The following FGF7 variants were observed in gnomAD, a reference collection of about 807,000 sequenced individuals.
FGF7 encodes FGF-7.
A neutral mutation model predicts 20.5 loss-of-function variants in FGF7; 6 were observed. The observed-to-expected ratio is 0.29, with a 90% confidence interval of 0.16 to 0.58. FGF7 has a LOEUF of 0.58. FGF7 is among the 20% of genes least tolerant of loss of function. The pLI is 0.90. For missense variants in FGF7, 144 were observed against 228.8 expected (o/e 0.63, Z 2.39); for synonymous variants, 64 against 74.7 (o/e 0.86, Z 0.74).
intron 2 of FGF7, among the ~76,000 whole-genome samples, chr15:49,442,469 G>T (rs1419178968): frequency 3.3e-5 from 5 of 151,628 alleles, no homozygotes; most frequent in African/African-American, 9.7e-5. Context: ...TTTCTCCTTA[G>T]ATTACTGTAT....
At chr15:49,455,148 G>GGTGATTTGTA (rs2053164379) in intron 2 of FGF7, among the ~76,000 whole-genome samples, 1 of 152,002 alleles carries the variant, frequency 6.6e-6, no homozygotes, top group Non-Finnish European at 1.5e-5. Context: ...GTTAATTGGC[G>GGTGATTTGTA]TCTCAGGTGA....
rs541994338 is a variant in FGF7 at position 49,423,367 on chromosome 15, A to G, written c.-340A>G. The stretch of plus-strand genomic sequence containing the variant: ...CTGAGAAATAGTTTGTAGCTACAGT[A>G]GAAAGGCTCAAGTTGCACCAGGCAG... On this transcript the variant is annotated 5_prime_UTR_variant, in exon 1 of 4. Coordinates refer to ENST00000267843, the MANE Select transcript of FGF7 (RefSeq NM_002009.4). 6 of 152,314 alleles carry G rather than the reference A, an allele frequency of 3.9e-5. No individual in the cohort carries two copies. Among genetic ancestry groups the G allele is most frequent in the African/African-American group, 1.4e-4 (6 of 41,590 alleles). 9.4% of individuals were successfully genotyped at this position (152,314 alleles called of 1,614,324 possible). A position where few individuals can be genotyped will look rare whatever the true frequency, so the allele number is the denominator to read the frequency against.
chr15:49,444,022 A>G (rs2151850823), intron 2 of FGF7, among the ~76,000 whole-genome samples: 1 of 151,852 alleles, frequency 6.6e-6, no homozygotes, highest in East Asian at 1.9e-4. Context: ...TAAACACATC[A>G]GAATAGCAGG....
At chr15:49,427,230 T>G (rs1399094771) in intron 2 of FGF7, among the ~76,000 whole-genome samples, 1 of 152,052 alleles carries the variant, frequency 6.6e-6, no homozygotes, top group Non-Finnish European at 1.5e-5. Context: ...GCTCAGAATT[T>G]GTTTAAAATA....
chr15:49,448,907 A>G (rs566716549), intron 2 of FGF7, among the ~76,000 whole-genome samples: 13 of 151,908 alleles, frequency 8.6e-5, no homozygotes, highest in African/African-American at 2.9e-4. Context: ...ATACTTTCTC[A>G]TATCTAGGGA....
intron 2 of FGF7, among the ~76,000 whole-genome samples, chr15:49,432,826 T>C (rs1462089110): frequency 6.6e-6 from 1 of 151,566 alleles, no homozygotes; most frequent in East Asian, 1.9e-4. Flanking sequence ...CTTTCTGAGT[T>C]CTGAGCAGAT....
At chr15:49,439,138 T>C (rs1019950105) in intron 2 of FGF7, among the ~76,000 whole-genome samples, 1 of 151,574 alleles carries the variant, frequency 6.6e-6, no homozygotes, top group African/African-American at 2.4e-5. Flanking sequence ...CATTCTCACA[T>C]TGTTGTTGGC....
intron 2 of FGF7, among the ~76,000 whole-genome samples, chr15:49,470,146 T>G (rs2054607797): frequency 6.6e-6 from 1 of 152,152 alleles, no homozygotes; most frequent in Non-Finnish European, 1.5e-5. Context: ...TGGAAAATGA[T>G]GGAATTCTAA....
At chr15:49,451,441 A>G (rs986476049) in intron 2 of FGF7, among the ~76,000 whole-genome samples, 1 of 152,132 alleles carries the variant, frequency 6.6e-6, no homozygotes, top group Non-Finnish European at 1.5e-5. Context: ...CATTGCTGAC[A>G]GACATATATG....
At chr15:49,440,338 A>T (rs2051520262) in intron 2 of FGF7, among the ~76,000 whole-genome samples, 1 of 151,718 alleles carries the variant, frequency 6.6e-6, no homozygotes, top group Non-Finnish European at 1.5e-5. Flanking sequence ...TCTTATAAGT[A>T]AAAGAGTCAT....
intron 2 of FGF7, among the ~76,000 whole-genome samples, chr15:49,449,171 A>G (rs1268325520): frequency 6.6e-6 from 1 of 151,940 alleles, no homozygotes; most frequent in Non-Finnish European, 1.5e-5. Flanking sequence ...CTCAGACTGC[A>G]TTACTAAGTC....
At chr15:49,461,013 T>C (rs932643022) in intron 2 of FGF7, among the ~76,000 whole-genome samples, 8 of 152,230 alleles carry the variant, frequency 5.3e-5, no homozygotes, top group Non-Finnish European at 1.2e-4. Flanking sequence ...ATTCATCTTG[T>C]GGGGCCAGCC....
intron 2 of FGF7, among the ~76,000 whole-genome samples, chr15:49,434,050 G>C (rs534253672): frequency 6.6e-6 from 1 of 151,540 alleles, no homozygotes; most frequent in Non-Finnish European, 1.5e-5. Context: ...GAGAGAACTG[G>C]GGAGAAGTCA....
chr15:49,486,293 A>G lies in FGF7; in HGVS notation c.*1789A>G, dbSNP rs1183948892. 6.6e-6 allele frequency: 1 copy of G among 152,034 alleles called. No homozygotes were observed. Among genetic ancestry groups the G allele is most frequent in the African/African-American group, 2.4e-5 (1 of 41,440 alleles). The allele number at this position is 152,034 out of a possible 1,614,324, so 9.4% of individuals were successfully genotyped here. ...ATACGACCAGGATGTAGAAAACTAG[A>G]AAGAACTGCCCTTCCTCAGATATAC... On this transcript the variant is annotated 3_prime_UTR_variant, in exon 4 of 4. Transcript: ENST00000267843.
intron 2 of FGF7, among the ~76,000 whole-genome samples, chr15:49,453,209 G>T (rs2052936820): frequency 1.3e-5 from 2 of 151,808 alleles, no homozygotes; most frequent in Admixed American, 1.3e-4. Flanking sequence ...AATATGTTCT[G>T]TTTAATCTAA....
chr15:49,426,467 A>G (rs1302303685), intron 2 of FGF7, among the ~76,000 whole-genome samples: 2 of 152,006 alleles, frequency 1.3e-5, no homozygotes, highest in African/African-American at 4.8e-5. Context: ...AAAAAAGTAG[A>G]TGTAAAATCC....
At position 49,473,543 on chromosome 15, in the gene FGF7, T is replaced by C. The variant is rs149312825; in HGVS notation, c.287-9608T>C. ...CAGTAAATACTTGTTAAATAACTTG[T>C]ATGTTACAGAAAATATTGTGACAAT... On this transcript the variant is annotated intron_variant, in intron 2 of 3. Transcript: ENST00000267843. 4.9e-4 allele frequency among the ~76,000 whole-genome samples: 74 copies of C among 152,258 alleles called. No homozygotes were observed. In the East Asian group the frequency reaches 0.013, roughly 27 times the overall value.
intron 2 of FGF7, among the ~76,000 whole-genome samples, chr15:49,427,522 G>C (rs2050229612): frequency 1.3e-5 from 2 of 151,918 alleles, no homozygotes; most frequent in African/African-American, 4.8e-5. Context: ...TTTTAAGTTA[G>C]TATAGATTTT....
chr15:49,435,703 G>A (rs1193921228), intron 2 of FGF7, among the ~76,000 whole-genome samples: 1 of 151,466 alleles, frequency 6.6e-6, no homozygotes, highest in Non-Finnish European at 1.5e-5. Flanking sequence ...AAGAAGATGA[G>A]CATAAATCTA....
Sources: gnomAD v4.1 joint callset for allele counts (sites outside exome capture counted in the v4.1 genomes callset) on GRCh38, gnomAD v4.1.1 for gene constraint, MANE v1.5 for transcripts, NCBI Gene and HGNC (gene_info 2026-07-23, HGNC 2026-07-21) for gene names.